The following DENND1A variants were observed in gnomAD, a reference collection of about 807,000 sequenced individuals.
DENND1A encodes DENN domain containing 1A, also known as DENN domain-containing protein 1A.
In DENND1A, 51 loss-of-function variants were observed where a neutral mutation model predicts 113.7. The ratio of observed to expected loss-of-function variants is 0.45; its 90% CI spans 0.36 to 0.57. DENND1A has a LOEUF of 0.57. Among genes scored for constraint, DENND1A ranks in the 20% least tolerant of loss-of-function variants. The pLI is 0.00. For synonymous variants in DENND1A, 565 were observed against 570.8 expected, an observed-to-expected ratio of 0.99 and a Z score of 0.14; for missense variants, 1,258 against 1,395.9, an observed-to-expected ratio of 0.90 and a Z score of 1.57.
chr9:123,661,857 G>T (rs1002645854), intron 8 of DENND1A, among the ~76,000 whole-genome samples: 9 of 152,132 alleles, frequency 5.9e-5, no homozygotes, highest in Non-Finnish European at 1.0e-4. Flanking sequence ...AAAACGAAAA[G>T]AGAGAGATGG....
intron 13 of DENND1A, among the ~76,000 whole-genome samples, chr9:123,507,764 T>C (rs955183501): frequency 1.3e-5 from 2 of 151,206 alleles, no homozygotes; most frequent in African/African-American, 4.9e-5. Context: ...GCTGAGGCTG[T>C]AGTGAGCCAT....
chr9:123,670,838 T>C (rs1191835795), intron 7 of DENND1A, among the ~76,000 whole-genome samples: 1 of 151,820 alleles, frequency 6.6e-6, no homozygotes, highest in Non-Finnish European at 1.5e-5. Flanking sequence ...AAAATCAGAG[T>C]TGAGTTCTGA....
intron 13 of DENND1A, among the ~76,000 whole-genome samples, chr9:123,515,378 ATCT>A (rs1468192899): frequency 6.6e-6 from 1 of 152,358 alleles, no homozygotes; most frequent in African/African-American, 2.4e-5. Context: ...AGAATGTCCT[ATCT>A]TCTTAGAAAA....
intron 1 of DENND1A, among the ~76,000 whole-genome samples, chr9:123,879,468 G>A (rs1476841154): frequency 6.6e-6 from 1 of 152,160 alleles, no homozygotes; most frequent in East Asian, 1.9e-4. Flanking sequence ...AGGAGGCAGA[G>A]GTTGCAGTGA....
At chr9:123,619,135 C>T (rs1393261114) in intron 10 of DENND1A, among the ~76,000 whole-genome samples, 1 of 152,110 alleles carries the variant, frequency 6.6e-6, no homozygotes, top group Non-Finnish European at 1.5e-5. Context: ...TTAGTAGAGA[C>T]GGGGTCTCAC....
At position 123,599,492 on chromosome 9, in the gene DENND1A, G is replaced by A. The variant is rs77991954; in HGVS notation, c.765+9944C>T. ...TATTCATAATAATAGCTACCAGAGGGTGATGGCCTAGTAATGTTCATGGCA... is the reference window on the plus strand; with the variant it reads ...TATTCATAATAATAGCTACCAGAGGATGATGGCCTAGTAATGTTCATGGCA... On this transcript the variant is annotated intron_variant, in intron 11 of 23. Coordinates refer to ENST00000394215, the MANE Select transcript of DENND1A (RefSeq NM_001352964.2). Among the ~76,000 whole-genome samples, 1,095 of 152,326 alleles carry A rather than the reference G, an allele frequency of 7.2e-3. 33 individuals carry two copies. In the East Asian group the frequency reaches 0.072, roughly 10 times the overall value.
chr9:123,818,267 G>T (rs1837842565), intron 2 of DENND1A, among the ~76,000 whole-genome samples: 1 of 151,476 alleles, frequency 6.6e-6, no homozygotes, highest in Non-Finnish European at 1.5e-5. Context: ...ACCACACCCG[G>T]CTAATTTTTT....
intron 13 of DENND1A, among the ~76,000 whole-genome samples, chr9:123,473,017 G>A (rs2049576208): frequency 6.6e-6 from 1 of 152,196 alleles, no homozygotes; most frequent in Non-Finnish European, 1.5e-5. Flanking sequence ...GCTCACCTCT[G>A]CTGTAGCATT....
At chr9:123,729,072 A>C (rs148009022) in intron 5 of DENND1A, among the ~76,000 whole-genome samples, 1 of 152,166 alleles carries the variant, frequency 6.6e-6, no homozygotes, top group Non-Finnish European at 1.5e-5. Context: ...ACCCCCCTAC[A>C]TGCTAAAAAC....
intron 15 of DENND1A, 44 bp from the exon 16 acceptor site, chr9:123,454,823 T>C: frequency 6.5e-7 from 1 of 1,545,576 alleles, no homozygotes; most frequent in Non-Finnish European, 8.8e-7. Context: ...AAAGAGGTGA[T>C]TTGTCCTTGG....
At chr9:123,792,500 C>T in intron 3 of DENND1A, 87 bp downstream of exon 3, 1 of 1,373,472 alleles carries the variant, frequency 7.3e-7, no homozygotes, top group Non-Finnish European at 1.0e-6. Context: ...ATTCATTTAT[C>T]TCTTTCAGTA....
intron 8 of DENND1A, among the ~76,000 whole-genome samples, chr9:123,661,264 C>T (rs534326081): frequency 6.6e-6 from 1 of 152,336 alleles, no homozygotes; most frequent in South Asian, 2.1e-4. Flanking sequence ...GACTTTCCCA[C>T]ACCTCTCCAG....
rs1157025775 is a variant in DENND1A, at chr9:123,644,935, CA to C, written c.618+7077del. Among the ~76,000 whole-genome samples, 7 of 152,164 alleles carry C rather than the reference CA, an allele frequency of 4.6e-5. No individual in the cohort carries two copies. The East Asian group carries it at 1.4e-3, about 29-fold the overall frequency. On this transcript the variant is annotated intron_variant, in intron 9 of 23. Coordinates refer to ENST00000394215, the MANE Select transcript of DENND1A (RefSeq NM_001352964.2). Reference sequence around the variant, plus strand: ...TTGCTCTCCATAGAGTTCCAAAAAGCAGTATGAATTAAGCTCAGATATGAAA... The same window carrying C: ...TTGCTCTCCATAGAGTTCCAAAAAGCGTATGAATTAAGCTCAGATATGAAA...
chr9:123,588,633 AGGG>A (rs1290448078), intron 11 of DENND1A, among the ~76,000 whole-genome samples: 1 of 86,448 alleles, frequency 1.2e-5, no homozygotes, highest in Non-Finnish European at 2.3e-5. Flanking sequence ...AAAAAAAAAA[AGGG>A]GGGGGGGGAA....
At chr9:123,415,259 C>T (rs534813358) in intron 19 of DENND1A, among the ~76,000 whole-genome samples, 8 of 152,234 alleles carry the variant, frequency 5.3e-5, no homozygotes, top group Non-Finnish European at 7.3e-5. Flanking sequence ...TGCGGGTTGT[C>T]GGCACGAGGG....
chr9:123,762,127 A>G (rs1484070656), intron 4 of DENND1A, among the ~76,000 whole-genome samples: 2 of 152,230 alleles, frequency 1.3e-5, no homozygotes, highest in African/African-American at 2.4e-5. Context: ...ACTAAACACA[A>G]TGAAAATCCT....
intron 2 of DENND1A, among the ~76,000 whole-genome samples, chr9:123,800,102 T>C (rs1181364530): frequency 1.3e-5 from 2 of 152,240 alleles, no homozygotes; most frequent in Non-Finnish European, 2.9e-5. Context: ...TTTCTCTACA[T>C]TGTCAGTAGT....
chr9:123,595,995 A>C (rs1393712864), intron 11 of DENND1A, among the ~76,000 whole-genome samples: 2 of 152,206 alleles, frequency 1.3e-5, no homozygotes, highest in African/African-American at 4.8e-5. Flanking sequence ...CCACTGCTGC[A>C]GACTCAGTTT....
intron 18 of DENND1A, among the ~76,000 whole-genome samples, chr9:123,444,413 G>C (rs1191344949): frequency 6.6e-6 from 1 of 152,136 alleles, no homozygotes; most frequent in Non-Finnish European, 1.5e-5. Flanking sequence ...TAGCACTTTG[G>C]GAGGCCAAGG....
Sources: allele counts gnomAD v4.1 joint callset (sites outside exome capture counted in the v4.1 genomes callset), GRCh38; gene constraint gnomAD v4.1.1; transcripts MANE v1.5; gene names NCBI Gene and HGNC (gene_info 2026-07-23, HGNC 2026-07-21).